Variants in HDLBP observed in about 807,000 individuals in gnomAD.
The protein encoded by HDLBP is high density lipoprotein binding protein, also known as vigilin.
In HDLBP, 30 loss-of-function variants were observed where a neutral mutation model predicts 137.3. The observed-to-expected ratio is 0.22, with a 90% CI of 0.16 to 0.30. The LOEUF is 0.30. HDLBP is among the 10% of genes least tolerant of loss of function. The probability of loss-of-function intolerance (pLI) is 1.00; values close to 1 mark genes in which losing one functional copy is unlikely to be tolerated. For missense variants in HDLBP, 1,119 were observed against 1,667.3 expected, an observed-to-expected ratio of 0.67 and a Z score of 5.73; for synonymous variants, 606 against 596.0, an observed-to-expected ratio of 1.02 and a Z score of -0.24.
Position 241,229,620 on chromosome 2 carries a change from G to A in HDLBP, c.3788C>T (p.Pro1263Leu). The change falls in exon 28 of 28, where the codon CCT becomes CTT. Residue 1263 changes from proline to leucine, a missense_variant. This residue lies in a region of HDLBP where 618 missense variants were observed against 816.7 expected (regional missense o/e 0.76). Coordinates refer to ENST00000310931, the MANE Select transcript of HDLBP (RefSeq NM_005336.6). Reference sequence around the variant, plus strand: ...TGATCATTATCGTTTGGGGCCCCAAGGGAGGGTCTTGGGAGCCACCTGAGC... The same window carrying A: ...TGATCATTATCGTTTGGGGCCCCAAAGGAGGGTCTTGGGAGCCACCTGAGC... Reference protein sequence around the residue: ...FGAQVAPKTLPWGPKR With the variant: ...FGAQVAPKTLLWGPKR The A allele has an allele frequency of 6.2e-7, 1 of 1,613,928 alleles. No individual in the cohort carries two copies. Among genetic ancestry groups the A allele is most frequent in the Non-Finnish European group, 8.5e-7 (1 of 1,179,856 alleles).
chr2:241,273,440 G>C (rs866003902), intron 1 of HDLBP: 12 of 408,278 alleles, frequency 2.9e-5, no homozygotes, highest in Middle Eastern at 1.2e-3. Flanking sequence ...AAAAGAACCG[G>C]TGTGTGGCCT....
At chr2:241,242,168 C>A (rs2071303289) in intron 17 of HDLBP, among the ~76,000 whole-genome samples, 1 of 152,168 alleles carries the variant, frequency 6.6e-6, no homozygotes, top group African/African-American at 2.4e-5. Context: ...ACTTAAAACT[C>A]AACTATACCT....
intron 1 of HDLBP, among the ~76,000 whole-genome samples, chr2:241,278,191 T>C (rs2074465347): frequency 1.3e-5 from 2 of 152,180 alleles, no homozygotes; most frequent in Admixed American, 6.5e-5. Context: ...ACGATGAAGT[T>C]TAATCCAGTA....
At position 241,275,005 on chromosome 2, in the gene HDLBP, G is replaced by GA. The variant is rs2074336923; in HGVS notation, c.-102-6465dup. Among the ~76,000 whole-genome samples, 3 of 152,192 alleles carry GA rather than the reference G, an allele frequency of 2.0e-5. No homozygotes were observed. The East Asian group carries it at 5.8e-4, about 29-fold the overall frequency. ...GATAGGTAGATCAAAAAAAGAAGAA[G>GA]AAAAGCCCACTAGTGTAGAGGGGAC... On this transcript the variant is annotated intron_variant, in intron 1 of 27. Transcript: ENST00000310931.
chr2:241,255,265 G>C lies in HDLBP; in HGVS notation c.1081-107C>G, dbSNP rs1284314687. ...CAGAGGCACGCTCTCCCCAAACCTGGGCACCTGCACTGTGTCCAGGCCCCA... is the reference window on the plus strand; with the variant it reads ...CAGAGGCACGCTCTCCCCAAACCTGCGCACCTGCACTGTGTCCAGGCCCCA... On this transcript the variant is annotated intron_variant, in intron 8 of 27. Transcript: ENST00000310931. The C allele has an allele frequency of 2.8e-6, 4 of 1,418,172 alleles. No individual in the cohort carries two copies. The East Asian group carries it at 6.8e-5, about 24-fold the overall frequency. The allele number at this position is 1,418,172 out of a possible 1,614,324, so 87.8% of individuals were successfully genotyped here.
intron 4 of HDLBP, 151 bp from the exon 5 acceptor site, chr2:241,263,077 G>A (rs909776195): frequency 1.6e-5 from 10 of 635,920 alleles, no homozygotes; most frequent in Admixed American, 5.7e-5. Flanking sequence ...TAAAGCAGCC[G>A]AAAGACAAGG....
intron 1 of HDLBP, among the ~76,000 whole-genome samples, chr2:241,291,767 G>A (rs1450261571): frequency 2.0e-5 from 3 of 152,200 alleles, no homozygotes; most frequent in African/African-American, 7.2e-5. Flanking sequence ...TCTTGAGATG[G>A]GAGATCATTT....
intron 16 of HDLBP, 73 bp downstream of exon 16, chr2:241,246,679 A>T: frequency 1.4e-6 from 2 of 1,475,862 alleles, no homozygotes. Context: ...TGCGTGACTC[A>T]ACCCCAGGCT....
Position 241,264,563 on chromosome 2 carries a change from T to C in HDLBP, c.119A>G (p.Tyr40Cys), listed in dbSNP as rs1265620584. 1 of 1,613,924 alleles carries C rather than the reference T, an allele frequency of 6.2e-7. No homozygotes were observed. Residue 40 changes from tyrosine to cysteine, a missense_variant, in exon 4 of 28, where the codon TAC becomes TGC. By Grantham distance (194) the Tyr-to-Cys change is radical. Transcript: ENST00000310931. Reference protein sequence around the residue: ...NSEEESDPPTYKDAFPPLPEK... With the variant: ...NSEEESDPPTCKDAFPPLPEK... Reference sequence around the variant, plus strand: ...AGGAAGTGGAGGGAAGGCATCCTTGTAGGTTGGAGGGTCGCTCTCCTCTTC... The same window carrying C: ...AGGAAGTGGAGGGAAGGCATCCTTGCAGGTTGGAGGGTCGCTCTCCTCTTC...
intron 2 of HDLBP, chr2:241,267,658 A>C (rs748440622): frequency 6.5e-7 from 1 of 1,535,774 alleles, no homozygotes; most frequent in South Asian, 1.2e-5. Context: ...TCCAGGCCCC[A>C]AACTAAACCA....
chr2:241,268,513 G>T lies in HDLBP; in HGVS notation c.-74C>A. The stretch of plus-strand genomic sequence containing the variant: ...TCAGTAGCCAGAAGGTCCGTCCTGA[G>T]GCCGCCTCTGTCAGCCTGCCAGCTT... On this transcript the variant is annotated 5_prime_UTR_variant, in exon 2 of 28. Coordinates refer to ENST00000310931, the MANE Select transcript of HDLBP (RefSeq NM_005336.6). The T allele has an allele frequency of 1.0e-6, 1 of 985,848 alleles. No homozygotes were observed. Among genetic ancestry groups the T allele is most frequent in the African/African-American group, 1.7e-5 (1 of 57,336 alleles). The allele number at this position is 985,848 out of a possible 1,614,324, so 61.1% of individuals were successfully genotyped here.
chr2:241,284,659 C>T (rs1273958383), intron 1 of HDLBP, among the ~76,000 whole-genome samples: 2 of 152,162 alleles, frequency 1.3e-5, no homozygotes, highest in Non-Finnish European at 2.9e-5. Flanking sequence ...TGCAATCAAA[C>T]AACATCACGT....
At chr2:241,259,202 C>A (rs185067236) in intron 5 of HDLBP, among the ~76,000 whole-genome samples, 1 of 152,240 alleles carries the variant, frequency 6.6e-6, no homozygotes, top group African/African-American at 2.4e-5. Flanking sequence ...AGAAAAAAAG[C>A]AAGGCATAGA....
At position 241,283,106 on chromosome 2, in the gene HDLBP, C is replaced by T. The variant is rs796859709; in HGVS notation, c.-102-14565G>A. On this transcript the variant is annotated intron_variant, in intron 1 of 27. Transcript: ENST00000310931. ...TGGTAAGAGAGCGAAACAGCCTTAT[C>T]GCTGATAAGGAGAAAGTTTGAGTGG... is the stretch of plus-strand genomic sequence containing the variant. Among the ~76,000 whole-genome samples the T allele has an allele frequency of 5.9e-5, 9 of 152,296 alleles. 1 individual carries two copies. Among genetic ancestry groups the T allele is most frequent in the South Asian group, 2.1e-4 (1 of 4,828 alleles).
At chr2:241,254,459 T>C (rs1029243824) in intron 9 of HDLBP, among the ~76,000 whole-genome samples, 2 of 152,018 alleles carry the variant, frequency 1.3e-5, no homozygotes, top group African/African-American at 4.8e-5. Context: ...TTAATACAAT[T>C]TGTATACAAG....
At chr2:241,255,606 G>A (rs2072550580) in intron 7 of HDLBP, 26 bp from the exon 8 acceptor site, 3 of 1,586,212 alleles carry the variant, frequency 1.9e-6, no homozygotes, top group Middle Eastern at 1.7e-4. Flanking sequence ...ATAAGGGGCA[G>A]TCAAAGGGAA....
At chr2:241,267,019 AC>A in intron 2 of HDLBP, 113 bp from the exon 3 acceptor site, 1 of 745,496 alleles carries the variant, frequency 1.3e-6, no homozygotes. Context: ...AGCAAACTAT[AC>A]CTTTTTATTT....
intron 1 of HDLBP, among the ~76,000 whole-genome samples, chr2:241,309,550 C>G (rs2075698833): frequency 6.6e-6 from 1 of 152,186 alleles, no homozygotes. Context: ...GGAAGGCCAA[C>G]TGGCAATATG....
At chr2:241,259,326 TA>T (rs2072971313) in intron 5 of HDLBP, among the ~76,000 whole-genome samples, 1 of 152,142 alleles carries the variant, frequency 6.6e-6, no homozygotes, top group African/African-American at 2.4e-5. Flanking sequence ...AGGGTGAAGG[TA>T]ACAGGCAGGG....
Sources: allele counts gnomAD v4.1 joint callset (sites outside exome capture counted in the v4.1 genomes callset), GRCh38; gene constraint gnomAD v4.1.1; regional missense constraint gnomAD v4.1.1; transcripts MANE v1.5; gene names NCBI Gene and HGNC (gene_info 2026-07-23, HGNC 2026-07-21).